FAM110B: variants seen among roughly 807,000 people sequenced by gnomAD.
FAM110B encodes family with sequence similarity 110 member B, also known as protein FAM110B.
Under a neutral mutation model 20.4 loss-of-function variants are expected in FAM110B, and 6 were observed. The ratio of observed to expected loss-of-function variants is 0.29; its 90% CI spans 0.16 to 0.58. FAM110B has a LOEUF of 0.58. Ranked by LOEUF, FAM110B falls within the 20% of genes least tolerant of loss-of-function variation. FAM110B has a pLI of 0.90. For missense variants in FAM110B, 434 were observed against 498.2 expected (o/e 0.87, Z 1.23); for synonymous variants, 226 against 214.1 (o/e 1.06, Z -0.49).
chr8:58,056,223 A>G (rs1055297705), intron 2 of FAM110B, among the ~76,000 whole-genome samples: 1 of 152,250 alleles, frequency 6.6e-6, no homozygotes, highest in African/African-American at 2.4e-5. Context: ...CTAGTTTAGT[A>G]TATATAACTT....
At chr8:58,115,324 G>T (rs1002033191) in intron 3 of FAM110B, among the ~76,000 whole-genome samples, 36 of 152,190 alleles carry the variant, frequency 2.4e-4, no homozygotes, top group African/African-American at 8.7e-4. Context: ...GAGCACACAC[G>T]TGCAGAGACA....
rs375271536 is a variant in FAM110B at position 58,146,619 on chromosome 8, G to T, written c.389G>T (p.Gly130Val). Residue 130 changes from glycine to valine, a missense_variant, in exon 4 of 4, where the codon GGC becomes GTC. By Grantham distance (109) the Gly-to-Val change is moderately radical. This residue lies in a region of FAM110B where 284 missense variants were observed against 278.3 expected (regional missense o/e 1.02). Coordinates refer to ENST00000519262, the MANE Select transcript of FAM110B (RefSeq NM_001377989.1). ...AAGAACATCATCAATAGCTCCGAGG[G>T]CTCTAGCTCGGGCTCGGGGCACAAG... ...ILKNIINSSE[G>V]SSSGSGHKHS... 51 of 1,613,810 alleles carry T rather than the reference G, an allele frequency of 3.2e-5. No homozygotes were observed. The highest frequency in any genetic ancestry group is 4.2e-5 in the Non-Finnish European group (50 of 1,179,932).
chr8:58,124,071 T>A (rs1001509199), intron 3 of FAM110B, among the ~76,000 whole-genome samples: 1 of 152,242 alleles, frequency 6.6e-6, no homozygotes, highest in Non-Finnish European at 1.5e-5. Context: ...CTGTTTCTGA[T>A]TATTTAATAA....
intron 3 of FAM110B, chr8:58,091,471 A>G (rs536029674): frequency 6.6e-6 from 1 of 152,158 alleles, no homozygotes; most frequent in African/African-American, 2.4e-5. Flanking sequence ...GCACAACCCC[A>G]TGAAGGGTTT....
chr8:58,122,215 T>A (rs148930037), intron 3 of FAM110B, among the ~76,000 whole-genome samples: 215 of 152,292 alleles, frequency 1.4e-3, no homozygotes, highest in African/African-American at 4.8e-3. Flanking sequence ...GGTTCCTGAA[T>A]GTGCCCAGAT....
chr8:58,132,710 T>C (rs1803506145), intron 3 of FAM110B, among the ~76,000 whole-genome samples: 1 of 152,152 alleles, frequency 6.6e-6, no homozygotes, highest in Non-Finnish European at 1.5e-5. Flanking sequence ...GCTGCTGTGG[T>C]TCCTCTTCTT....
chr8:58,143,608 G>T (rs1016376493), intron 3 of FAM110B, among the ~76,000 whole-genome samples: 1 of 152,238 alleles, frequency 6.6e-6, no homozygotes, highest in African/African-American at 2.4e-5. Flanking sequence ...AAAGCAGTGT[G>T]CAAGGAAGAC....
intron 2 of FAM110B, among the ~76,000 whole-genome samples, chr8:58,073,876 T>G (rs1436959588): frequency 6.6e-6 from 1 of 152,236 alleles, no homozygotes; most frequent in Non-Finnish European, 1.5e-5. Context: ...ATTTAAATTT[T>G]AACTCTTGAC....
chr8:58,147,401 G>T lies in FAM110B; in HGVS notation c.*58G>T. On this transcript the variant is annotated 3_prime_UTR_variant, in exon 4 of 4. Transcript: ENST00000519262. ...CTGTGCTTACGCAGTTGTGAAGGTT[G>T]TGAGGTCTCCTTGAAGTGTTGTGAG... 1 of 1,556,402 alleles carries T rather than the reference G, an allele frequency of 6.4e-7. No individual in the cohort carries two copies. Among genetic ancestry groups the T allele is most frequent in the Non-Finnish European group, 8.7e-7 (1 of 1,149,204 alleles).
chr8:58,010,350 A>G (rs1804507422), intron 1 of FAM110B, among the ~76,000 whole-genome samples: 1 of 152,108 alleles, frequency 6.6e-6, no homozygotes, highest in Non-Finnish European at 1.5e-5. Flanking sequence ...TGGTTGTGTC[A>G]AGAACAGCCT....
intron 3 of FAM110B, among the ~76,000 whole-genome samples, chr8:58,117,020 C>T (rs1246000063): frequency 1.3e-5 from 2 of 152,156 alleles, no homozygotes; most frequent in African/African-American, 4.8e-5. Context: ...AAGGTGAGTG[C>T]ATATCTCAGG....
chr8:58,142,209 G>A (rs1428159214), intron 3 of FAM110B, among the ~76,000 whole-genome samples: 1 of 152,202 alleles, frequency 6.6e-6, no homozygotes. Flanking sequence ...TTTCCTCTGT[G>A]CTGGAGGCAT....
Position 58,147,058 on chromosome 8 carries a change from G to A in FAM110B, c.828G>A (p.Arg276=). 6.2e-7 allele frequency: 1 copy of A among 1,614,224 alleles called. No homozygotes were observed. The highest frequency in any genetic ancestry group is 1.3e-5 in the African/African-American group (1 of 75,056). The change falls in exon 4 of 4, where the codon AGG becomes AGA. Residue 276 remains arginine, a synonymous_variant. Coordinates refer to ENST00000519262, the MANE Select transcript of FAM110B (RefSeq NM_001377989.1). Reference sequence around the variant, plus strand: ...TCCGAGTGGACGCGGACGTGGAGAGGTTCTTCAACTACTGTGGACTGGACC... The same window carrying A: ...TCCGAGTGGACGCGGACGTGGAGAGATTCTTCAACTACTGTGGACTGGACC... ...RYFRVDADVE[R]FFNYCGLDPE...
At position 58,146,543 on chromosome 8, in the gene FAM110B, G is replaced by T; in HGVS notation, c.313G>T (p.Ala105Ser). ...SPTLKVFGNH[A>S]KTESGVQREN... Reference sequence around the variant, plus strand: ...CACGCTCAAAGTGTTCGGCAACCACGCCAAGACCGAGAGCGGCGTGCAGAG... The same window carrying T: ...CACGCTCAAAGTGTTCGGCAACCACTCCAAGACCGAGAGCGGCGTGCAGAG... Residue 105 changes from alanine to serine, a missense_variant, in exon 4 of 4, where the codon GCC becomes TCC. Coordinates refer to ENST00000519262, the MANE Select transcript of FAM110B (RefSeq NM_001377989.1). 1.2e-6 allele frequency: 2 copies of T among 1,613,978 alleles called. No homozygotes were observed. The highest frequency in any genetic ancestry group is 1.7e-6 in the Non-Finnish European group (2 of 1,179,944).
intron 2 of FAM110B, among the ~76,000 whole-genome samples, chr8:58,062,002 T>C (rs1022292365): frequency 2.0e-5 from 3 of 152,250 alleles, no homozygotes; most frequent in Non-Finnish European, 2.9e-5. Context: ...AAGGATTCTT[T>C]CTCTTCAAAT....
chr8:58,033,518 T>C (rs1450940351), intron 2 of FAM110B, among the ~76,000 whole-genome samples: 1 of 152,174 alleles, frequency 6.6e-6, no homozygotes. Flanking sequence ...ACCAACAGTG[T>C]ATAATCCTTC....
At chr8:58,015,861 G>GAAAAAGAAAA (rs1280064474) in intron 1 of FAM110B, among the ~76,000 whole-genome samples, 1 of 142,598 alleles carries the variant, frequency 7.0e-6, no homozygotes, top group Non-Finnish European at 1.5e-5. Flanking sequence ...AAAAAAAAAA[G>GAAAAAGAAAA]AAAAAGAAAA....
intron 3 of FAM110B, among the ~76,000 whole-genome samples, chr8:58,115,711 C>T (rs1807191616): frequency 6.6e-6 from 1 of 152,132 alleles, no homozygotes; most frequent in South Asian, 2.1e-4. Flanking sequence ...GGGACTTTTG[C>T]CCATCCCTGG....
intron 3 of FAM110B, among the ~76,000 whole-genome samples, chr8:58,097,236 C>T (rs1806655604): frequency 6.6e-6 from 1 of 152,080 alleles, no homozygotes; most frequent in South Asian, 2.1e-4. Flanking sequence ...AGGCTTTGTT[C>T]GTTCCTTTTC....
Sources: gnomAD v4.1 joint callset for allele counts (sites outside exome capture counted in the v4.1 genomes callset) on GRCh38, gnomAD v4.1.1 for gene constraint, gnomAD v4.1.1 regional missense constraint, MANE v1.5 for transcripts, NCBI Gene and HGNC (gene_info 2026-07-23, HGNC 2026-07-21) for gene names.